KCNMA1: variants seen among roughly 807,000 people sequenced by gnomAD.
The protein encoded by KCNMA1 is potassium calcium-activated channel subfamily M alpha 1.
In KCNMA1, 29 loss-of-function variants were observed where a neutral mutation model predicts 140.0. That is an observed-to-expected ratio of 0.21 (90% confidence interval 0.15 to 0.28). The LOEUF (loss-of-function observed/expected upper bound fraction) is 0.28. Among genes scored for constraint, KCNMA1 ranks in the 10% least tolerant of loss-of-function variants. The probability of loss-of-function intolerance (pLI) is 1.00; values close to 1 mark genes in which losing one functional copy is unlikely to be tolerated. For synonymous variants in KCNMA1, 612 were observed against 611.9 expected, an observed-to-expected ratio of 1.00 and a Z score of 0.00; for missense variants, 880 against 1,602.2, an observed-to-expected ratio of 0.55 and a Z score of 7.70.
chr10:77,381,898 A>T (rs2095401375), intron 2 of KCNMA1, among the ~76,000 whole-genome samples: 1 of 152,214 alleles, frequency 6.6e-6, no homozygotes, highest in South Asian at 2.1e-4. Context: ...AATGCCACTT[A>T]TCCTAGCCAC....
intron 1 of KCNMA1, among the ~76,000 whole-genome samples, chr10:77,568,456 G>T (rs1427090882): frequency 2.7e-4 from 40 of 150,066 alleles, no homozygotes; most frequent in East Asian, 5.9e-4. Context: ...ATGTAATCCA[G>T]CATATAAACA....
chr10:77,550,931 A>C lies in KCNMA1; in HGVS notation c.378+86334T>G, dbSNP rs147330584. 3.2e-3 allele frequency among the ~76,000 whole-genome samples: 482 copies of C among 152,346 alleles called. 8 individuals carry two copies. Among genetic ancestry groups the C allele is most frequent in the East Asian group, 0.024 (122 of 5,190 alleles). On this transcript the variant is annotated intron_variant, in intron 1 of 27. Coordinates refer to ENST00000286628, the MANE Select transcript of KCNMA1 (RefSeq NM_001161352.2). Reference sequence around the variant, plus strand: ...CAAGATTTTGGAGTCAGGGGCATACAAAGCCCACTCAGGGGACACACTCAT... The same window carrying C: ...CAAGATTTTGGAGTCAGGGGCATACCAAGCCCACTCAGGGGACACACTCAT...
At chr10:77,119,482 T>C in intron 6 of KCNMA1, among the ~76,000 whole-genome samples, 1 of 152,184 alleles carries the variant, frequency 6.6e-6, no homozygotes, top group East Asian at 1.9e-4. Flanking sequence ...CTATGCTTGG[T>C]GCTGGGTACT....
chr10:77,599,411 C>T (rs182529218), intron 1 of KCNMA1, among the ~76,000 whole-genome samples: 3 of 152,072 alleles, frequency 2.0e-5, no homozygotes, highest in Non-Finnish European at 2.9e-5. Flanking sequence ...AATAATGATG[C>T]CTTCATCTCT....
chr10:77,070,387 C>T (rs1007507003), intron 14 of KCNMA1, among the ~76,000 whole-genome samples: 2 of 152,158 alleles, frequency 1.3e-5, no homozygotes, highest in Non-Finnish European at 2.9e-5. Flanking sequence ...TTTGCTGTTA[C>T]AGTCTTGTTT....
At chr10:77,228,625 C>T (rs182390670) in intron 3 of KCNMA1, among the ~76,000 whole-genome samples, 243 of 152,290 alleles carry the variant, frequency 1.6e-3, no homozygotes, top group Non-Finnish European at 2.8e-3. Flanking sequence ...TGAATACTTA[C>T]ATAACAAATA....
At chr10:77,430,725 G>A (rs1400903563) in intron 1 of KCNMA1, among the ~76,000 whole-genome samples, 1 of 152,194 alleles carries the variant, frequency 6.6e-6, no homozygotes, top group Non-Finnish European at 1.5e-5. Context: ...CTTACATCAT[G>A]TCCATGCACC....
At chr10:77,324,959 C>CTGTG (rs2083508992) in intron 2 of KCNMA1, among the ~76,000 whole-genome samples, 1 of 121,386 alleles carries the variant, frequency 8.2e-6, no homozygotes, top group African/African-American at 3.3e-5. Flanking sequence ...CTCTCTCTCT[C>CTGTG]TCTCTCTCTC....
chr10:77,342,696 G>A lies in KCNMA1; in HGVS notation c.540+61166C>T, dbSNP rs546398084. 5.3e-5 allele frequency among the ~76,000 whole-genome samples: 8 copies of A among 152,294 alleles called. No homozygotes were observed. The South Asian group carries it at 1.4e-3, about 28-fold the overall frequency. ...CCATGCCTGCTTGCAAACTACAGAG[G>A]TGACACGAGGTAAATTCATTTCCTT... is the stretch of plus-strand genomic sequence containing the variant. On this transcript the variant is annotated intron_variant, in intron 2 of 27. Coordinates refer to ENST00000286628, the MANE Select transcript of KCNMA1 (RefSeq NM_001161352.2).
Position 76,891,845 on chromosome 10 carries a change from TA to T in KCNMA1, c.3148-127del, listed in dbSNP as rs557395858. ...TAAAGTTCTGGCCTGTCTCTTCAAA[TA>T]ATTTCATGTGGGGAGTGAAAAGACA... On this transcript the variant is annotated intron_variant, in intron 25 of 27. Transcript: ENST00000286628. 420 of 765,948 alleles carry T rather than the reference TA, an allele frequency of 5.5e-4. 1 individual carries two copies. The highest frequency in any genetic ancestry group is 8.6e-4 in the Non-Finnish European group (379 of 442,644). The allele number at this position is 765,948 out of a possible 1,614,324, so 47.4% of individuals were successfully genotyped here. A position where few individuals can be genotyped will look rare whatever the true frequency, so the allele number is the denominator to read the frequency against.
intron 2 of KCNMA1, among the ~76,000 whole-genome samples, chr10:77,398,613 C>T (rs892398408): frequency 6.6e-6 from 1 of 152,204 alleles, no homozygotes; most frequent in East Asian, 1.9e-4. Flanking sequence ...TTGTTGAATG[C>T]ATTGTTTGCA....
Position 76,889,467 on chromosome 10 carries a change from T to C in KCNMA1, c.3445A>G (p.Ser1149Gly). The change falls in exon 27 of 28, where the codon AGT (serine) becomes GGT (glycine). Residue 1149 changes from serine to glycine, a missense_variant. Ser to Gly is a moderately conservative substitution (Grantham distance 56, BLOSUM62 0). Around this residue, in one of 13 missense-constraint regions of KCNMA1, gnomAD observed 115 missense variants for 139.9 expected, o/e 0.82. Transcript: ENST00000286628. ...RLRDAHLSTP[S>G]QCTKRYVITN... ...AATACTCACCTCTTTGTGCACTGACTGGGGGTGCTGAGGTGAGCATCTCTC... is the reference window on the plus strand; with the variant it reads ...AATACTCACCTCTTTGTGCACTGACCGGGGGTGCTGAGGTGAGCATCTCTC... The C allele has an allele frequency of 1.9e-6, 3 of 1,611,674 alleles. No homozygotes were observed. The highest frequency in any genetic ancestry group is 2.5e-6 in the Non-Finnish European group (3 of 1,177,792).
In KCNMA1 at chr10:77,287,675, G is replaced by A. The variant is rs541061789; in HGVS notation, c.541-36419C>T. Among the ~76,000 whole-genome samples, 7 of 152,346 alleles carry A rather than the reference G, an allele frequency of 4.6e-5. No individual in the cohort carries two copies. In the South Asian group the frequency reaches 1.4e-3, roughly 32 times the overall value. On this transcript the variant is annotated intron_variant, in intron 2 of 27. Coordinates refer to ENST00000286628, the MANE Select transcript of KCNMA1 (RefSeq NM_001161352.2). ...TGAGGATCTCCTGCAAAGAGAGAGA[G>A]AGAGGTTTCCTGGCATGGGATGGGG...
chr10:77,323,131 C>T (rs1289217980), intron 2 of KCNMA1, among the ~76,000 whole-genome samples: 5 of 152,124 alleles, frequency 3.3e-5, no homozygotes, highest in East Asian at 3.9e-4. Flanking sequence ...TTGATATTCC[C>T]ATAGATTGCT....
Position 76,886,065 on chromosome 10 carries a change from G to A in KCNMA1, c.*1201C>T. Reference sequence around the variant, plus strand: ...CGCACAGCTGTGCCAACAGTTGAAGGTGGTGGCTGGCTTTTGTCTTTGTTG... The same window carrying A: ...CGCACAGCTGTGCCAACAGTTGAAGATGGTGGCTGGCTTTTGTCTTTGTTG... On this transcript the variant is annotated 3_prime_UTR_variant, in exon 28 of 28. Coordinates refer to ENST00000286628, the MANE Select transcript of KCNMA1 (RefSeq NM_001161352.2). 3.0e-6 allele frequency: 3 copies of A among 985,394 alleles called. No homozygotes were observed. Among genetic ancestry groups the A allele is most frequent in the Non-Finnish European group, 3.6e-6 (3 of 829,938 alleles). The allele number at this position is 985,394 out of a possible 1,614,324, so 61.0% of individuals were successfully genotyped here.
At chr10:76,928,360 G>A (rs899625556) in intron 23 of KCNMA1, among the ~76,000 whole-genome samples, 2 of 151,556 alleles carry the variant, frequency 1.3e-5, no homozygotes, top group African/African-American at 4.9e-5. Context: ...ATATATTCCA[G>A]GGAAGAGACT....
chr10:76,980,809 T>A (rs760442713), intron 19 of KCNMA1, among the ~76,000 whole-genome samples: 1 of 152,114 alleles, frequency 6.6e-6, no homozygotes, highest in African/African-American at 2.4e-5. Context: ...TTTTAAGGCA[T>A]GGGATATCCC....
chr10:77,130,629 A>C (rs532808325), intron 5 of KCNMA1, among the ~76,000 whole-genome samples: 6 of 152,268 alleles, frequency 3.9e-5, no homozygotes, highest in Admixed American at 2.6e-4. Flanking sequence ...ACAATGGTTT[A>C]TGTCTGCCCC....
Position 76,998,722 on chromosome 10 carries a change from T to C in KCNMA1, c.2266+2685A>G, listed in dbSNP as rs186206512. On this transcript the variant is annotated intron_variant, in intron 19 of 27. Transcript: ENST00000286628. ...CCACTGCTCTTGAGTCAACTTGCTC[T>C]GTCAAATGGGCACCACCCAACTCCA... Among the ~76,000 whole-genome samples, 37 of 152,318 alleles carry C rather than the reference T, an allele frequency of 2.4e-4. 2 individuals carry two copies. The highest frequency in any genetic ancestry group is 8.2e-4 in the African/African-American group (34 of 41,572).
Sources: allele counts gnomAD v4.1 joint callset (sites outside exome capture counted in the v4.1 genomes callset), GRCh38; gene constraint gnomAD v4.1.1; regional missense constraint gnomAD v4.1.1; transcripts MANE v1.5; gene names NCBI Gene and HGNC (gene_info 2026-07-23, HGNC 2026-07-21).